GALNT13: variants seen among roughly 807,000 people sequenced by gnomAD.
The protein encoded by GALNT13 is UDP-GalNAc:polypeptide N-acetylgalactosaminyltransferase 13.
GALNT13 carries 28 observed loss-of-function variants against 64.2 expected under a neutral mutation model. The observed-to-expected ratio is 0.44, with a 90% CI of 0.32 to 0.60. The LOEUF (loss-of-function observed/expected upper bound fraction) is 0.60, where lower values mean the gene tolerates loss of function less well. Ranked by LOEUF, GALNT13 falls within the 20% of genes least tolerant of loss-of-function variation. GALNT13 has a pLI of 0.05. For missense variants in GALNT13, 577 were observed against 669.8 expected (o/e 0.86, Z 1.53); for synonymous variants, 214 against 224.6 (o/e 0.95, Z 0.42).
the GALNT13 span, among the ~76,000 whole-genome samples, chr2:153,372,019 T>C: frequency 5.3e-5 from 8 of 152,146 alleles, no homozygotes; most frequent in African/African-American, 1.9e-4. Context: ...TTACTTTCTC[T>C]TGTGAGGGAC....
intron 9 of GALNT13, among the ~76,000 whole-genome samples, chr2:154,346,821 T>C (rs938579431): frequency 6.6e-6 from 1 of 152,130 alleles, no homozygotes; most frequent in Non-Finnish European, 1.5e-5. Flanking sequence ...TACTGCCTAA[T>C]GTCACCTAGA....
At chr2:153,759,364 A>G in the GALNT13 span, among the ~76,000 whole-genome samples, 1 of 152,146 alleles carries the variant, frequency 6.6e-6, no homozygotes, top group Non-Finnish European at 1.5e-5. Flanking sequence ...GTGAAATTAG[A>G]CATTCATGTC....
chr2:154,090,037 G>A (rs1385215210), intron 3 of GALNT13, among the ~76,000 whole-genome samples: 1 of 151,984 alleles, frequency 6.6e-6, no homozygotes, highest in Non-Finnish European at 1.5e-5. Context: ...TGTGCCTTGC[G>A]AGAAGCACAA....
intron 3 of GALNT13, among the ~76,000 whole-genome samples, chr2:153,964,718 A>T (rs1056022971): frequency 6.6e-6 from 1 of 152,028 alleles, no homozygotes; most frequent in East Asian, 1.9e-4. Context: ...TTTTCCTAAT[A>T]AAATTAATAT....
chr2:153,634,477 A>G, the GALNT13 span, among the ~76,000 whole-genome samples: 1 of 150,502 alleles, frequency 6.6e-6, no homozygotes, highest in Admixed American at 6.6e-5. Context: ...TTCTTCATCC[A>G]TTCATCCTTG....
the GALNT13 span, among the ~76,000 whole-genome samples, chr2:153,237,134 T>C: frequency 1.3e-5 from 2 of 152,114 alleles, no homozygotes; most frequent in South Asian, 4.1e-4. Context: ...TGTAATCTTA[T>C]GGTTAAACTC....
the GALNT13 span, among the ~76,000 whole-genome samples, chr2:153,163,735 G>C: frequency 6.6e-6 from 1 of 152,144 alleles, no homozygotes; most frequent in Non-Finnish European, 1.5e-5. Flanking sequence ...ATGTGGTCAG[G>C]CTGGCCGGAC....
At chr2:154,159,937 C>T (rs972733617) in intron 4 of GALNT13, among the ~76,000 whole-genome samples, 1 of 152,200 alleles carries the variant, frequency 6.6e-6, no homozygotes, top group African/African-American at 2.4e-5. Flanking sequence ...AAATCTTCCT[C>T]TTCAATCCTT....
chr2:153,958,876 A>C (rs1692752904), intron 3 of GALNT13, among the ~76,000 whole-genome samples: 1 of 152,202 alleles, frequency 6.6e-6, no homozygotes, highest in South Asian at 2.1e-4. Context: ...CCTGAATTGC[A>C]GGAGAATTTA....
intron 8 of GALNT13, chr2:154,286,699 G>T: frequency 3.3e-6 from 1 of 303,632 alleles, no homozygotes; most frequent in Non-Finnish European, 6.6e-6. Flanking sequence ...ACACAGAGCT[G>T]CCATCTTTGA....
chr2:153,736,740 T>G, the GALNT13 span, among the ~76,000 whole-genome samples: 1 of 152,174 alleles, frequency 6.6e-6, no homozygotes, highest in East Asian at 1.9e-4. Context: ...TTTTACATTT[T>G]ACCTTCCCAG....
intron 3 of GALNT13, among the ~76,000 whole-genome samples, chr2:154,010,908 TG>T (rs1279821491): frequency 1.3e-5 from 2 of 151,588 alleles, no homozygotes; most frequent in African/African-American, 2.4e-5. Context: ...AGGGTTTTTT[TG>T]TGTGTGTGTG....
the GALNT13 span, chr2:153,357,232 A>G: frequency 6.6e-6 from 1 of 152,194 alleles, no homozygotes; most frequent in Admixed American, 6.5e-5. Context: ...TTAATTGTAT[A>G]CTTTCTGTTT....
At chr2:153,974,566 A>G (rs1205155398) in intron 3 of GALNT13, among the ~76,000 whole-genome samples, 1 of 152,064 alleles carries the variant, frequency 6.6e-6, no homozygotes, top group Admixed American at 6.6e-5. Context: ...ATGCTAGTGG[A>G]GGAGATAATA....
At chr2:153,257,215 C>T in the GALNT13 span, among the ~76,000 whole-genome samples, 1 of 152,162 alleles carries the variant, frequency 6.6e-6, no homozygotes, top group African/African-American at 2.4e-5. Flanking sequence ...ACCTGATTTT[C>T]CAGGTGCCGT....
chr2:153,844,061 G>A, the GALNT13 span, among the ~76,000 whole-genome samples: 16 of 152,108 alleles, frequency 1.1e-4, no homozygotes, highest in Non-Finnish European at 1.5e-5. Flanking sequence ...CTAATGTCTG[G>A]ATGGTAGCAG....
At chr2:153,525,424 G>A in the GALNT13 span, among the ~76,000 whole-genome samples, 2 of 152,150 alleles carry the variant, frequency 1.3e-5, no homozygotes, top group African/African-American at 4.8e-5. Flanking sequence ...GCCACAGCGG[G>A]ATAGAGCCGG....
chr2:153,086,713 A>ATTTATTTTATTTTATTTTATTTTAT, the GALNT13 span, among the ~76,000 whole-genome samples: 35 of 149,740 alleles, frequency 2.3e-4, no homozygotes, highest in Admixed American at 9.3e-4. Flanking sequence ...ATTTTATTTT[A>ATTTATTTTATTTTATTTTATTTTAT]TTTATTTTAT....
At chr2:154,134,741 C>T (rs559344176) in intron 3 of GALNT13, among the ~76,000 whole-genome samples, 6 of 152,244 alleles carry the variant, frequency 3.9e-5, no homozygotes, top group Middle Eastern at 3.4e-3. Flanking sequence ...CCTGTAATCC[C>T]GACAGTCTGG....
Sources: gnomAD v4.1 joint callset for allele counts (sites outside exome capture counted in the v4.1 genomes callset) on GRCh38, gnomAD v4.1.1 for gene constraint, MANE v1.5 for transcripts, NCBI Gene and HGNC (gene_info 2026-07-23, HGNC 2026-07-21) for gene names.